Variants in UHRF1 observed in about 807,000 individuals in gnomAD.
UHRF1 encodes the protein E3 ubiquitin-protein ligase UHRF1.
In UHRF1, 9 loss-of-function variants were observed where a neutral mutation model predicts 96.5. The observed-to-expected ratio is 0.09, with a 90% CI of 0.06 to 0.16. The LOEUF is 0.16. UHRF1 is among the 10% of genes least tolerant of loss of function. The pLI, the probability that UHRF1 is intolerant of heterozygous loss-of-function variation, is 1.00. For missense variants in UHRF1, 626 were observed against 1,131.1 expected (o/e 0.55, Z 6.40); for synonymous variants, 455 against 469.9 (o/e 0.97, Z 0.41).
intron 15 of UHRF1, among the ~76,000 whole-genome samples, chr19:4,956,307 C>T (rs1489728788): frequency 6.6e-6 from 1 of 152,182 alleles, no homozygotes; most frequent in African/African-American, 2.4e-5. Context: ...TCAAGCGATC[C>T]TCTTGTCTTG....
chr19:4,923,383 G>T (rs2032764703), intron 2 of UHRF1, among the ~76,000 whole-genome samples: 1 of 151,784 alleles, frequency 6.6e-6, no homozygotes, highest in Non-Finnish European at 1.5e-5. Context: ...CCTCGCCCAG[G>T]GCTGCACCTC....
intron 2 of UHRF1, among the ~76,000 whole-genome samples, chr19:4,917,375 G>C (rs1309515761): frequency 6.6e-6 from 1 of 151,776 alleles, no homozygotes; most frequent in Non-Finnish European, 1.5e-5. Flanking sequence ...GGTCCACAAG[G>C]CCGGGCGTGG....
At chr19:4,960,502 G>T (rs1396946881) in intron 16 of UHRF1, among the ~76,000 whole-genome samples, 155 bp from the exon 17 acceptor site, 1 of 152,160 alleles carries the variant, frequency 6.6e-6, no homozygotes, top group East Asian at 1.9e-4. Flanking sequence ...CCCTAGGGGG[G>T]CCAGGCTGGT....
At chr19:4,906,398 G>A (rs2032064999), upstream of UHRF1, among the ~76,000 whole-genome samples, 2 of 152,158 alleles carry the variant, frequency 1.3e-5, no homozygotes. Context: ...TACCTCCTCT[G>A]TGACACTTAA....
At chr19:4,960,442 T>C (rs2033959210) in intron 16 of UHRF1, among the ~76,000 whole-genome samples, 2 of 152,084 alleles carry the variant, frequency 1.3e-5, no homozygotes, top group Non-Finnish European at 1.5e-5. Flanking sequence ...CTGCATGACC[T>C]GCCAGGGACA....
intron 7 of UHRF1, 93 bp downstream of exon 7, chr19:4,942,024 G>T (rs1355506633): frequency 7.6e-7 from 1 of 1,319,240 alleles, no homozygotes; most frequent in Admixed American, 3.5e-5. Context: ...GGGCAGGCGC[G>T]GGGGCTCACG....
Position 4,929,350 on chromosome 19 carries a change from C to T in UHRF1, c.282C>T (p.Asp94=), listed in dbSNP as rs2032974753. 1 of 1,613,668 alleles carries T rather than the reference C, an allele frequency of 6.2e-7. No homozygotes were observed. The highest frequency in any genetic ancestry group is 1.3e-5 in the African/African-American group (1 of 74,944). ...GGGACTCCGAGCTCTCCGACACCGA[C>T]TCCGGCTGCTGCCTGGGCCAGAGTG... The part of the protein sequence containing the change: ...KERDSELSDT[D]SGCCLGQSES... The change falls in exon 3 of 17, where the codon GAC becomes GAT. Residue 94 remains aspartate, a synonymous_variant. Coordinates refer to ENST00000650932, the MANE Select transcript of UHRF1 (RefSeq NM_001048201.3).
chr19:4,910,345 G>C (rs1229367536), intron 1 of UHRF1: 1 of 151,232 alleles, frequency 6.6e-6, no homozygotes, highest in Non-Finnish European at 1.5e-5. Flanking sequence ...CGCGCGGGGG[G>C]GGCCGGCAAG....
intron 2 of UHRF1, 118 bp from the exon 3 acceptor site, chr19:4,929,104 T>A (rs975583437): frequency 4.1e-5 from 56 of 1,373,734 alleles, no homozygotes; most frequent in Non-Finnish European, 5.1e-5. Context: ...TTTACTCTGA[T>A]GCAGATTGCC....
chr19:4,929,309 C>T lies in UHRF1; in HGVS notation c.241C>T (p.His81Tyr), dbSNP rs762794591. The T allele has an allele frequency of 6.2e-7, 1 of 1,613,880 alleles. No homozygotes were observed. The highest frequency in any genetic ancestry group is 8.5e-7 in the Non-Finnish European group (1 of 1,179,908). ...GGTCCGCCAGAGCCTCGTGCTCCCC[C>T]ACAGCACCAAGGAGCGGGACTCCGA... is the stretch of plus-strand genomic sequence containing the variant. Reference protein sequence around the residue: ...LLVRQSLVLPHSTKERDSELS... With the variant: ...LLVRQSLVLPYSTKERDSELS... Residue 81 changes from histidine to tyrosine, a missense_variant, in exon 3 of 17, where the codon CAC becomes TAC. Physicochemically the swap from His to Tyr is moderately conservative, Grantham distance 83. Transcript: ENST00000650932.
chr19:4,927,514 GTT>G (rs2032911748), intron 2 of UHRF1, among the ~76,000 whole-genome samples: 1 of 152,138 alleles, frequency 6.6e-6, no homozygotes, highest in Non-Finnish European at 1.5e-5. Context: ...CCCCCATGCT[GTT>G]TGCATTTGAA....
At chr19:4,957,926 G>A (rs1285362853) in intron 16 of UHRF1, among the ~76,000 whole-genome samples, 1 of 152,236 alleles carries the variant, frequency 6.6e-6, no homozygotes, top group Non-Finnish European at 1.5e-5. Context: ...AGGTGTGGAA[G>A]GGACTGACCC....
chr19:4,953,018 C>A (rs775908302), intron 13 of UHRF1, among the ~76,000 whole-genome samples: 74 of 152,046 alleles, frequency 4.9e-4, no homozygotes, highest in Non-Finnish European at 7.4e-4. Flanking sequence ...GTTTGCCTGC[C>A]CTCATGGAAA....
intron 2 of UHRF1, among the ~76,000 whole-genome samples, chr19:4,916,654 C>A (rs940579620): frequency 1.3e-5 from 2 of 152,070 alleles, no homozygotes; most frequent in Non-Finnish European, 2.9e-5. Flanking sequence ...CCGCCGCCCC[C>A]TCTTGTGGGT....
chr19:4,938,666 CT>C (rs1335058512), intron 5 of UHRF1, among the ~76,000 whole-genome samples: 3 of 146,798 alleles, frequency 2.0e-5, no homozygotes, highest in Non-Finnish European at 4.5e-5. Flanking sequence ...GTCTCGGCCT[CT>C]CAAAGTGCTG....
Position 4,930,172 on chromosome 19 carries a change from G to A in UHRF1, c.409-544G>A, listed in dbSNP as rs1439374585. 1.3e-5 allele frequency among the ~76,000 whole-genome samples: 2 copies of A among 151,980 alleles called. No homozygotes were observed. Among genetic ancestry groups the A allele is most frequent in the African/African-American group, 4.8e-5 (2 of 41,356 alleles). ...GTATTTTTTGTAGAGACGGGATTTC[G>A]CCATGTTGGCCAGGCTAGTCTTGAA... On this transcript the variant is annotated intron_variant, in intron 3 of 16. Coordinates refer to ENST00000650932, the MANE Select transcript of UHRF1 (RefSeq NM_001048201.3). This position sits in a 1 kb window ranked among gnomAD's most constrained non-coding sequence, Gnocchi z 4.4.
chr19:4,946,757 G>A (rs1180421835), intron 10 of UHRF1, among the ~76,000 whole-genome samples: 2 of 151,832 alleles, frequency 1.3e-5, no homozygotes, highest in East Asian at 3.9e-4. Context: ...GTATTTTTTT[G>A]TGGTGATGGG....
At chr19:4,912,755 G>A (rs764208636) in intron 2 of UHRF1, among the ~76,000 whole-genome samples, 22 of 152,020 alleles carry the variant, frequency 1.4e-4, no homozygotes, top group Non-Finnish European at 2.8e-4. Flanking sequence ...TGTTTTCATT[G>A]ATTTTTTTTG....
intron 5 of UHRF1, among the ~76,000 whole-genome samples, chr19:4,936,090 C>G (rs1017955080): frequency 6.6e-6 from 1 of 152,172 alleles, no homozygotes. Flanking sequence ...GTGTCCCGAG[C>G]CCTCTGGGGA....
Sources: gnomAD v4.1 joint callset for allele counts (sites outside exome capture counted in the v4.1 genomes callset) on GRCh38, gnomAD v4.1.1 for gene constraint, Gnocchi (gnomAD v3.1) non-coding constraint, MANE v1.5 for transcripts, NCBI Gene and HGNC (gene_info 2026-07-23, HGNC 2026-07-21) for gene names.